Variants in PKD1 observed in about 807,000 individuals in gnomAD.
PKD1 encodes polycystin-1.
In PKD1, 81 loss-of-function variants were observed where a neutral mutation model predicts 361.7. The observed-to-expected ratio is 0.22, with a 90% CI of 0.19 to 0.27. The LOEUF (loss-of-function observed/expected upper bound fraction) is 0.27. PKD1 is among the 10% of genes least tolerant of loss of function. The pLI is 1.00. For missense variants in PKD1, 6,399 were observed against 6,118.3 expected (o/e 1.05, Z -1.53); for synonymous variants, 3,615 against 2,818.3 (o/e 1.28, Z -8.95).
At chr16:2,131,242 TG>T (rs1175842859) in intron 1 of PKD1, among the ~76,000 whole-genome samples, 1 of 152,110 alleles carries the variant, frequency 6.6e-6, no homozygotes, top group East Asian at 1.9e-4. Context: ...AGACAGGCGG[TG>T]GCTCAAGCCT....
At chr16:2,112,754 G>C in intron 13 of PKD1, 34 bp downstream of exon 13, 1 of 1,586,782 alleles carries the variant, frequency 6.3e-7, no homozygotes, top group Non-Finnish European at 8.5e-7. Context: ...CAAGAGCCTG[G>C]TGCCCACCCC....
intron 1 of PKD1, among the ~76,000 whole-genome samples, chr16:2,121,432 C>T (rs1246442728): frequency 6.6e-6 from 1 of 151,600 alleles, no homozygotes; most frequent in African/African-American, 2.4e-5. Context: ...AAAGAGAAAA[C>T]TCCAAAAACA....
At chr16:2,124,688 G>C (rs2092771409) in intron 1 of PKD1, among the ~76,000 whole-genome samples, 1 of 152,204 alleles carries the variant, frequency 6.6e-6, no homozygotes, top group African/African-American at 2.4e-5. Context: ...GGGCCGGACG[G>C]AGCCCCCAAA....
chr16:2,090,370 G>A lies in PKD1; in HGVS notation c.12359C>T (p.Pro4120Leu), dbSNP rs771967977. 1.2e-6 allele frequency: 2 copies of A among 1,612,528 alleles called. No homozygotes were observed. The highest frequency in any genetic ancestry group is 1.7e-5 in the Admixed American group (1 of 60,000). The change falls in exon 45 of 46, where the codon CCG becomes CTG. Residue 4120 changes from proline (P) to leucine (L), a missense_variant. Pro to Leu is a moderately conservative substitution (Grantham distance 98, BLOSUM62 -3). Transcript: ENST00000262304. Reference protein sequence around the residue: ...YHALRGELYRPAWEPQDYEMV... With the variant: ...YHALRGELYRLAWEPQDYEMV... ...CTCGTAGTCCTGGGGCTCCCAGGCC[G>A]GCCGGTACAGCTCTCCACGCAAGGC...
Position 2,089,467 on chromosome 16 carries a change from A to AAATT in PKD1, c.*256_*259dup, listed in dbSNP as rs949259809. On this transcript the variant is annotated 3_prime_UTR_variant, in exon 46 of 46. Transcript: ENST00000262304. ...GCTGTACCTGAGGACTCGGGGAAAT[A>AAATT]AATTAGCATCTCAGAGGCTAGAAAC... 77 of 546,556 alleles carry AAATT rather than the reference A, an allele frequency of 1.4e-4. No homozygotes were observed. Among genetic ancestry groups the AAATT allele is most frequent in the Non-Finnish European group, 2.4e-4 (75 of 306,198 alleles). 33.9% of individuals were successfully genotyped at this position (546,556 alleles called of 1,614,324 possible).
At chr16:2,099,390 C>T (rs1335017238) in intron 30 of PKD1, 14 of 542,076 alleles carry the variant, frequency 2.6e-5, no homozygotes, top group Admixed American at 1.3e-4. Context: ...AGTTATCTGG[C>T]GTGCTGCTGT....
At position 2,111,042 on chromosome 16, in the gene PKD1, G is replaced by A. The variant is rs373088132; in HGVS notation, c.4125C>T (p.Cys1375=). The stretch of plus-strand genomic sequence containing the variant: ...TGACGTTGCCCACCTCTGGCTCCAC[G>A]CAGATGCTGGTGAAGTAATGCGCCC... The part of the protein sequence containing the change: ...VNRAHYFTSI[C]VEPEVGNVTL... Residue 1375 remains cysteine, a synonymous_variant, in exon 15 of 46, where the codon TGC becomes TGT. Coordinates refer to ENST00000262304, the MANE Select transcript of PKD1 (RefSeq NM_001009944.3). 192 of 1,610,540 alleles carry A rather than the reference G, an allele frequency of 1.2e-4. No individual in the cohort carries two copies. The highest frequency in any genetic ancestry group is 4.5e-4 in the Middle Eastern group (2 of 4,480).
rs772300257 is a variant in PKD1 at position 2,089,587 on chromosome 16, G to C, written c.*140C>G. On this transcript the variant is annotated 3_prime_UTR_variant, in exon 46 of 46. Transcript: ENST00000262304. ...CCTCTTTAAAGTGCTGAAGCCCACA[G>C]ACAGACAGATGCCCCTGCCTGCTCT... The C allele has an allele frequency of 7.5e-5, 81 of 1,085,142 alleles. No individual in the cohort carries two copies. Among genetic ancestry groups the C allele is most frequent in the Non-Finnish European group, 1.0e-4 (77 of 749,842 alleles). The allele number at this position is 1,085,142 out of a possible 1,614,324, so 67.2% of individuals were successfully genotyped here. A position where few individuals can be genotyped will look rare whatever the true frequency, so the allele number is the denominator to read the frequency against.
Position 2,097,922 on chromosome 16 carries a change from C to A in PKD1, c.10113G>T (p.Leu3371=). 6.2e-7 allele frequency: 1 copy of A among 1,604,828 alleles called. No individual in the cohort carries two copies. Residue 3371 remains leucine (L), a synonymous_variant, in exon 31 of 46, where the codon CTG becomes CTT. Transcript: ENST00000262304. ...GQQVLDIDSC[L]DSSVLDSSFL... The stretch of plus-strand genomic sequence containing the variant: ...AGGAGCTGTCCAGCACGGACGAGTC[C>A]AGGCAGCTGTCGATGTCCAGCACCT...
At chr16:2,112,177 G>T (rs931249414) in intron 14 of PKD1, among the ~76,000 whole-genome samples, 163 bp downstream of exon 14, 6 of 152,208 alleles carry the variant, frequency 3.9e-5, no homozygotes. Context: ...CTCCCCCCAC[G>T]CCTGGCCCCT....
chr16:2,091,156 C>A lies in PKD1; in HGVS notation c.11731G>T (p.Ala3911Ser), dbSNP rs770755145. Reference sequence around the variant, plus strand: ...GCCTCGGCCACGGCGAAGTGCACGGCGAACAGCAGCAGGCACACCTGTGGG... The same window carrying A: ...GCCTCGGCCACGGCGAAGTGCACGGAGAACAGCAGCAGGCACACCTGTGGG... ...LLTSVCLLLF[A>S]VHFAVAEART... Residue 3911 changes from alanine to serine, a missense_variant, in exon 43 of 46, where the codon GCC becomes TCC. By Grantham distance (99) the Ala-to-Ser change is moderately conservative. Transcript: ENST00000262304. 3 of 1,471,150 alleles carry A rather than the reference C, an allele frequency of 2.0e-6. No homozygotes were observed. The highest frequency in any genetic ancestry group is 2.6e-5 in the South Asian group (2 of 77,644). 91.1% of individuals were successfully genotyped at this position (1,471,150 alleles called of 1,614,324 possible).
intron 39 of PKD1, 103 bp downstream of exon 39, chr16:2,092,377 G>C: frequency 1.0e-6 from 1 of 980,300 alleles, no homozygotes; most frequent in Non-Finnish European, 1.6e-6. Context: ...AGAGGGCAAA[G>C]GTCACACAGC....
In PKD1 at chr16:2,105,417, G is replaced by A. The variant is rs764840802; in HGVS notation, c.7921C>T (p.Gln2641Ter). 1 of 1,584,844 alleles carries A rather than the reference G, an allele frequency of 6.3e-7. No individual in the cohort carries two copies. The highest frequency in any genetic ancestry group is 8.5e-7 in the Non-Finnish European group (1 of 1,171,784). ...GTCTCCGTGATGTTCTTGCGTATCTGGGCTCGGTGCTGCCGCTCGTGCTTG... is the reference window on the plus strand; with the variant it reads ...GTCTCCGTGATGTTCTTGCGTATCTAGGCTCGGTGCTGCCGCTCGTGCTTG... ...EPKHERQHRA[Q>*]IRKNITETLV... Residue 2641 changes from glutamine (Q) to a stop codon, truncating the protein, a stop_gained, in exon 21 of 46, where the codon CAG becomes TAG. Transcript: ENST00000262304. LOFTEE classifies it high-confidence loss of function.
At chr16:2,120,017 C>T in intron 1 of PKD1, 1 of 595,716 alleles carries the variant, frequency 1.7e-6, no homozygotes, top group South Asian at 2.0e-5. Context: ...TTTGAAACCA[C>T]CCTGGGCAAC....
In PKD1 at chr16:2,108,829, G is replaced by A. The variant is rs963838498; in HGVS notation, c.6338C>T (p.Ser2113Phe). The A allele has an allele frequency of 1.9e-6, 3 of 1,570,966 alleles. No individual in the cohort carries two copies. In the African/African-American group the frequency reaches 4.1e-5, roughly 21 times the overall value. The change falls in exon 15 of 46, where the codon TCC becomes TTC. Residue 2113 changes from serine to phenylalanine, a missense_variant. Coordinates refer to ENST00000262304, the MANE Select transcript of PKD1 (RefSeq NM_001009944.3). ...QDTDEPRAEHSYLRPGDYRVQ... is the reference protein window; with the variant it reads ...QDTDEPRAEHFYLRPGDYRVQ... ...GCGGTAGTCCCCAGGCCTCAGGTAG[G>A]AGTGCTCGGCCCTGGGCTCATCTGT...
At position 2,103,815 on chromosome 16, in the gene PKD1, C is replaced by T; in HGVS notation, c.8242G>A (p.Val2748Met). ...GTCAGGTTGTAGGCCTGGGACGCCA[C>T]CATCCGAGATGGTGACTCGGCTCCC... ...ELGAESPSRMVASQAYNLTSA... is the reference protein window; with the variant it reads ...ELGAESPSRMMASQAYNLTSA... The change falls in exon 23 of 46, where the codon GTG becomes ATG. Residue 2748 changes from valine (V) to methionine (M), a missense_variant. Transcript: ENST00000262304. 1.2e-6 allele frequency: 2 copies of T among 1,608,992 alleles called. No homozygotes were observed. The highest frequency in any genetic ancestry group is 1.7e-6 in the Non-Finnish European group (2 of 1,179,334).
At position 2,100,330 on chromosome 16, in the gene PKD1, G is replaced by A. The variant is rs372313650; in HGVS notation, c.9569-21C>T. On this transcript the variant is annotated intron_variant, in intron 27 of 45. Transcript: ENST00000262304. The surrounding 1 kb of genome is among the most constrained non-coding windows in gnomAD (Gnocchi z 4.4). ...GAGCCCTGCAGAGGCGCAGGAGGGAGGTCAGGCTCGCAGGGCGCCCCAATG... is the reference window on the plus strand; with the variant it reads ...GAGCCCTGCAGAGGCGCAGGAGGGAAGTCAGGCTCGCAGGGCGCCCCAATG... 14 of 1,610,102 alleles carry A rather than the reference G, an allele frequency of 8.7e-6. No homozygotes were observed. Among genetic ancestry groups the A allele is most frequent in the Non-Finnish European group, 1.0e-5 (12 of 1,179,218 alleles).
At chr16:2,091,961 G>A (rs1056351922) in intron 40 of PKD1, 55 bp from the exon 41 acceptor site, 24 of 1,611,742 alleles carry the variant, frequency 1.5e-5, no homozygotes, top group Non-Finnish European at 1.9e-5. Context: ...GCACCCCGGA[G>A]CCAGGCTGGT....
Position 2,103,381 on chromosome 16 carries a change from G to A in PKD1, c.8676C>T (p.Asn2892=). The part of the protein sequence containing the change: ...WAARGHRSSA[N]SANSVVVQPQ... ...GCTGGACCACAACGGAGTTGGCGGAGTTGGCGGAGCTGCGGTGGCCCCGGG... is the reference window on the plus strand; with the variant it reads ...GCTGGACCACAACGGAGTTGGCGGAATTGGCGGAGCTGCGGTGGCCCCGGG... Residue 2892 remains asparagine, a synonymous_variant, in exon 23 of 46, where the codon AAC becomes AAT. Transcript: ENST00000262304. The A allele has an allele frequency of 6.2e-7, 1 of 1,601,738 alleles. No homozygotes were observed. Among genetic ancestry groups the A allele is most frequent in the South Asian group, 1.1e-5 (1 of 90,978 alleles).
Sources: gnomAD v4.1 joint callset for allele counts (sites outside exome capture counted in the v4.1 genomes callset) on GRCh38, gnomAD v4.1.1 for gene constraint, Gnocchi (gnomAD v3.1) non-coding constraint, MANE v1.5 for transcripts, NCBI Gene and HGNC (gene_info 2026-07-23, HGNC 2026-07-21) for gene names.